The following HS3ST4 variants were observed in gnomAD, a reference collection of about 807,000 sequenced individuals.
HS3ST4 encodes the protein heparan sulfate-glucosamine 3-sulfotransferase 4.
A neutral mutation model predicts 29.2 loss-of-function variants in HS3ST4; 17 were observed. The ratio of observed to expected loss-of-function variants is 0.58; its 90% CI spans 0.40 to 0.87. The LOEUF (loss-of-function observed/expected upper bound fraction) is 0.87, where lower values mean the gene tolerates loss of function less well. Among genes scored for constraint, HS3ST4 ranks in the 40% least tolerant of loss-of-function variants. The pLI, the probability that HS3ST4 is intolerant of heterozygous loss-of-function variation, is 0.00. For synonymous variants in HS3ST4, 314 were observed against 285.7 expected, an observed-to-expected ratio of 1.10 and a Z score of -1.00; for missense variants, 627 against 634.5, an observed-to-expected ratio of 0.99 and a Z score of 0.13.
At chr16:26,049,893 C>T (rs757927480) in intron 1 of HS3ST4, among the ~76,000 whole-genome samples, 1 of 152,130 alleles carries the variant, frequency 6.6e-6, no homozygotes, top group Non-Finnish European at 1.5e-5. Context: ...GATGAAGAGG[C>T]GCACAGGACA....
chr16:25,995,040 C>T (rs1386873804), intron 1 of HS3ST4, among the ~76,000 whole-genome samples: 1 of 152,126 alleles, frequency 6.6e-6, no homozygotes, highest in African/African-American at 2.4e-5. Flanking sequence ...ATGTTCTTCC[C>T]TAATCCCATT....
chr16:25,983,335 A>G (rs1969027912), intron 1 of HS3ST4, among the ~76,000 whole-genome samples: 1 of 152,222 alleles, frequency 6.6e-6, no homozygotes, highest in Non-Finnish European at 1.5e-5. Context: ...AATCTCAGCT[A>G]TAAAATGAAA....
At chr16:25,847,605 T>C (rs1275301950) in intron 1 of HS3ST4, among the ~76,000 whole-genome samples, 4 of 152,324 alleles carry the variant, frequency 2.6e-5, no homozygotes, top group Non-Finnish European at 5.9e-5. Flanking sequence ...GTGTCACTCC[T>C]GAATATATAG....
intron 1 of HS3ST4, among the ~76,000 whole-genome samples, chr16:25,713,479 G>C (rs1478108466): frequency 6.6e-6 from 1 of 152,108 alleles, no homozygotes; most frequent in Non-Finnish European, 1.5e-5. Context: ...AGTGAGCTGT[G>C]ATTGCACCAC....
At chr16:25,913,761 T>A (rs1968262720) in intron 1 of HS3ST4, among the ~76,000 whole-genome samples, 1 of 151,892 alleles carries the variant, frequency 6.6e-6, no homozygotes, top group African/African-American at 2.4e-5. Flanking sequence ...GATGTGTGTG[T>A]GTATGTGTGG....
chr16:26,082,085 G>A (rs184167536), intron 1 of HS3ST4, among the ~76,000 whole-genome samples: 104 of 152,230 alleles, frequency 6.8e-4, no homozygotes, highest in African/African-American at 2.1e-3. Flanking sequence ...ATGAGCCACC[G>A]GACACGGCCG....
At chr16:25,874,323 C>T (rs1008677582) in intron 1 of HS3ST4, among the ~76,000 whole-genome samples, 1 of 152,070 alleles carries the variant, frequency 6.6e-6, no homozygotes, top group African/African-American at 2.4e-5. Context: ...GGGTTATTCT[C>T]ATTTTCTAAG....
intron 1 of HS3ST4, among the ~76,000 whole-genome samples, chr16:25,792,502 C>T (rs1184120940): frequency 1.3e-5 from 2 of 151,898 alleles, no homozygotes; most frequent in African/African-American, 2.4e-5. Flanking sequence ...TGTTGAGGCT[C>T]ACCACATCTT....
At chr16:25,870,078 G>A (rs1057204288) in intron 1 of HS3ST4, among the ~76,000 whole-genome samples, 1 of 143,530 alleles carries the variant, frequency 7.0e-6, no homozygotes, top group African/African-American at 2.5e-5. Flanking sequence ...ATCCACTTAT[G>A]CATCCATTCC....
intron 1 of HS3ST4, among the ~76,000 whole-genome samples, chr16:25,769,292 A>C (rs1387884960): frequency 1.3e-5 from 2 of 151,882 alleles, no homozygotes; most frequent in Admixed American, 1.3e-4. Context: ...GTGTGTGCCC[A>C]CCATGTCATG....
intron 1 of HS3ST4, among the ~76,000 whole-genome samples, chr16:25,770,490 A>G (rs1172646885): frequency 6.6e-6 from 1 of 152,162 alleles, no homozygotes; most frequent in Non-Finnish European, 1.5e-5. Context: ...CAGGCCACAC[A>G]TTGAGGAAGG....
At chr16:25,865,389 C>T (rs186782076) in intron 1 of HS3ST4, among the ~76,000 whole-genome samples, 14 of 152,264 alleles carry the variant, frequency 9.2e-5, no homozygotes, top group Admixed American at 5.9e-4. Context: ...TTTATTTGCA[C>T]TTCTCTCTTC....
intron 1 of HS3ST4, among the ~76,000 whole-genome samples, chr16:25,915,364 T>G (rs555906795): frequency 6.6e-6 from 1 of 152,332 alleles, no homozygotes; most frequent in African/African-American, 2.4e-5. Flanking sequence ...TACCTGCTCA[T>G]AAATTCTGTT....
chr16:25,988,371 A>G (rs539494834), intron 1 of HS3ST4, among the ~76,000 whole-genome samples: 1 of 152,066 alleles, frequency 6.6e-6, no homozygotes, highest in Non-Finnish European at 1.5e-5. Flanking sequence ...CCCTCCCCCA[A>G]GCTGAGGCCA....
chr16:26,108,448 C>A (rs1449829348), intron 1 of HS3ST4, among the ~76,000 whole-genome samples: 1 of 152,196 alleles, frequency 6.6e-6, no homozygotes, highest in East Asian at 1.9e-4. Flanking sequence ...GTAATTGATG[C>A]TTAACCATAA....
intron 1 of HS3ST4, among the ~76,000 whole-genome samples, chr16:25,769,286 G>A (rs975035732): frequency 5.3e-5 from 8 of 152,068 alleles, no homozygotes; most frequent in African/African-American, 1.9e-4. Flanking sequence ...CTGTGTGTGT[G>A]TGCCCACCAT....
At chr16:26,032,305 A>G (rs1260269768) in intron 1 of HS3ST4, among the ~76,000 whole-genome samples, 1 of 152,154 alleles carries the variant, frequency 6.6e-6, no homozygotes, top group Non-Finnish European at 1.5e-5. Context: ...AAGTCTCTCA[A>G]AACTAGAAGG....
intron 1 of HS3ST4, among the ~76,000 whole-genome samples, chr16:26,101,600 C>T (rs1016757479): frequency 3.9e-5 from 6 of 152,204 alleles, no homozygotes; most frequent in African/African-American, 1.4e-4. Flanking sequence ...GAATTTCCCT[C>T]TTCTTCTTTT....
chr16:25,832,704 A>G (rs1458426693), intron 1 of HS3ST4, among the ~76,000 whole-genome samples: 1 of 152,250 alleles, frequency 6.6e-6, no homozygotes, highest in Non-Finnish European at 1.5e-5. Flanking sequence ...ATTTGCATAA[A>G]CCATAAACAG....
Sources: gnomAD v4.1 joint callset for allele counts (sites outside exome capture counted in the v4.1 genomes callset) on GRCh38, gnomAD v4.1.1 for gene constraint, MANE v1.5 for transcripts, NCBI Gene and HGNC (gene_info 2026-07-23, HGNC 2026-07-21) for gene names.